The following FRY variants were observed in gnomAD, a reference collection of about 807,000 sequenced individuals.
FRY encodes FRY microtubule binding protein, also known as protein furry homolog.
FRY carries 128 observed loss-of-function variants against 348.4 expected under a neutral mutation model. The observed-to-expected ratio is 0.37, with a 90% CI of 0.32 to 0.43. The LOEUF is 0.43. FRY is among the 20% of genes least tolerant of loss of function. FRY has a pLI of 1.00. For missense variants in FRY, 2,736 were observed against 3,695.2 expected (o/e 0.74, Z 6.73); for synonymous variants, 1,370 against 1,374.7 (o/e 1.00, Z 0.08).
rs746927798 is a variant in FRY, at chr13:32,224,256, C to T, written c.4787C>T (p.Thr1596Met). The T allele has an allele frequency of 1.5e-5, 24 of 1,613,982 alleles. No homozygotes were observed. Among genetic ancestry groups the T allele is most frequent in the Admixed American group, 8.3e-5 (5 of 60,008 alleles). The change falls in exon 37 of 61, where the codon ACG becomes ATG. Residue 1596 changes from threonine (T) to methionine (M), a missense_variant. Transcript: ENST00000542859. ...CCAGATGATCCAATTTCTCCCTACA[C>T]GGGCTGGTTGCTGACTATTACAGAG... ...EDKNDPISPY[T>M]GWLLTITETK...
chr13:32,271,335 C>G (rs1050390397), intron 55 of FRY, among the ~76,000 whole-genome samples: 5 of 152,172 alleles, frequency 3.3e-5, no homozygotes, highest in African/African-American at 1.2e-4. Context: ...GAAGTGAAAA[C>G]AGTGTCTATG....
chr13:32,282,740 TAACAAAGA>T (rs1329390862), intron 58 of FRY, among the ~76,000 whole-genome samples: 3 of 152,244 alleles, frequency 2.0e-5, no homozygotes, highest in Admixed American at 2.0e-4. Flanking sequence ...GACCTAAGTA[TAACAAAGA>T]AAGTTTATGC....
At chr13:32,041,837 A>C (rs1267083908) in intron 1 of FRY, among the ~76,000 whole-genome samples, 1 of 152,240 alleles carries the variant, frequency 6.6e-6, no homozygotes, top group South Asian at 2.1e-4. Context: ...TTATCATTAC[A>C]GGAAAGCTAA....
chr13:32,060,877 C>A (rs1348583009), intron 1 of FRY: 3 of 339,718 alleles, frequency 8.8e-6, no homozygotes, highest in Non-Finnish European at 1.8e-5. Flanking sequence ...TATGAACAGT[C>A]TGCCCTGGAC....
In FRY at chr13:32,259,558, G is replaced by A. The variant is rs544221118; in HGVS notation, c.7417-2058G>A. Among the ~76,000 whole-genome samples the A allele has an allele frequency of 5.3e-5, 8 of 152,308 alleles. No individual in the cohort carries two copies. The East Asian group carries it at 5.8e-4, about 11-fold the overall frequency. Reference sequence around the variant, plus strand: ...CTCATGGTTCTGTCTCAAGTGCAGCGTGGGAGACCTCCAGAATCGCTGCCT... The same window carrying A: ...CTCATGGTTCTGTCTCAAGTGCAGCATGGGAGACCTCCAGAATCGCTGCCT... On this transcript the variant is annotated intron_variant, in intron 51 of 60. Coordinates refer to ENST00000542859, the MANE Select transcript of FRY (RefSeq NM_023037.3).
intron 1 of FRY, among the ~76,000 whole-genome samples, chr13:32,072,660 G>A (rs1441621463): frequency 1.3e-5 from 2 of 151,962 alleles, no homozygotes; most frequent in Non-Finnish European, 2.9e-5. Context: ...AGAGTGACAT[G>A]TTCGCAAAGA....
rs148908035 is a variant in FRY at position 32,254,220 on chromosome 13, G to A, written c.7246-4G>A. On this transcript the variant is annotated splice_polypyrimidine_tract_variant and splice_region_variant and intron_variant, in intron 50 of 60. Coordinates refer to ENST00000542859, the MANE Select transcript of FRY (RefSeq NM_023037.3). ...TTTCTCAGGAGAGGACTCTTGATTC[G>A]CAGGTGATTTTTTCATCGTGTGGGG... 3.9e-3 allele frequency: 6,313 copies of A among 1,613,832 alleles called. 44 individuals carry two copies. Among genetic ancestry groups the A allele is most frequent in the South Asian group, 0.021 (1,946 of 91,058 alleles).
At chr13:32,186,500 A>G (rs969662199) in intron 27 of FRY, 80 bp downstream of exon 27, 1 of 937,636 alleles carries the variant, frequency 1.1e-6, no homozygotes, top group Non-Finnish European at 1.7e-6. Flanking sequence ...CCTTAAAAAT[A>G]AGCTTAAAAT....
intron 7 of FRY, among the ~76,000 whole-genome samples, chr13:32,129,116 T>A (rs1322908597): frequency 6.6e-6 from 1 of 152,186 alleles, no homozygotes; most frequent in African/African-American, 2.4e-5. Context: ...TTGGAGTCCT[T>A]ATAAGAAGGG....
Position 32,117,352 on chromosome 13 carries a change from T to C in FRY, c.343T>C (p.Ser115Pro), listed in dbSNP as rs1878363609. The C allele has an allele frequency of 6.2e-7, 1 of 1,613,982 alleles. No individual in the cohort carries two copies. The highest frequency in any genetic ancestry group is 8.5e-7 in the Non-Finnish European group (1 of 1,179,884). The change falls in exon 4 of 61, where the codon TCC (serine) becomes CCC (proline). Residue 115 changes from serine (S) to proline (P), a missense_variant. Physicochemically the swap from Ser to Pro is moderately conservative, Grantham distance 74. This residue lies in a region of FRY where 309 missense variants were observed against 418.1 expected (regional missense o/e 0.74). Transcript: ENST00000542859. ...QFDQVISSMS[S>P]LSEYCLPSIL... ...TCCATAGGTCATCAGCTCAATGAGC[T>C]CCCTTTCTGAGTACTGCCTGCCTTC...
intron 1 of FRY, among the ~76,000 whole-genome samples, chr13:32,036,111 C>G (rs1486406838): frequency 6.6e-6 from 1 of 152,122 alleles, no homozygotes; most frequent in Admixed American, 6.5e-5. Context: ...ACCTGAAGGA[C>G]ACTATGAGAA....
chr13:32,134,930 C>G lies in FRY; in HGVS notation c.912C>G (p.Val304=), dbSNP rs771824015. Residue 304 remains valine, a synonymous_variant, in exon 9 of 61, where the codon GTC becomes GTG. Coordinates refer to ENST00000542859, the MANE Select transcript of FRY (RefSeq NM_023037.3). ...AATGTGCACATTACTTCCTCGAGGTCAAAGACAAAGATATCAAGCATGCCT... is the reference window on the plus strand; with the variant it reads ...AATGTGCACATTACTTCCTCGAGGTGAAAGACAAAGATATCAAGCATGCCT... The part of the protein sequence containing the change: ...MQECAHYFLE[V]KDKDIKHALA... 1.9e-6 allele frequency: 3 copies of G among 1,612,144 alleles called. No homozygotes were observed. The highest frequency in any genetic ancestry group is 2.5e-6 in the Non-Finnish European group (3 of 1,178,278).
intron 11 of FRY, among the ~76,000 whole-genome samples, chr13:32,142,507 A>G (rs1470138374): frequency 6.6e-6 from 1 of 152,248 alleles, no homozygotes; most frequent in Non-Finnish European, 1.5e-5. Context: ...GTCGTTTACT[A>G]ACCTGGTTTA....
chr13:32,175,933 C>T (rs1325854075), intron 20 of FRY, among the ~76,000 whole-genome samples: 1 of 152,158 alleles, frequency 6.6e-6, no homozygotes, highest in African/African-American at 2.4e-5. Context: ...TCACTTAATA[C>T]TATATGTAAC....
intron 59 of FRY, among the ~76,000 whole-genome samples, chr13:32,293,425 C>T (rs1484791789): frequency 6.6e-6 from 1 of 152,238 alleles, no homozygotes; most frequent in Non-Finnish European, 1.5e-5. Flanking sequence ...TTCAAGGCTT[C>T]AGTTTTTTAT....
chr13:32,145,526 GTTTTTTTTTT>G (rs59585678), intron 11 of FRY, among the ~76,000 whole-genome samples: 1 of 91,476 alleles, frequency 1.1e-5, no homozygotes, highest in African/African-American at 4.2e-5. Context: ...TGACTGATTT[GTTTTTTTTTT>G]TTTTTTTTTT....
intron 31 of FRY, among the ~76,000 whole-genome samples, chr13:32,207,639 T>C (rs1884432861): frequency 6.6e-6 from 1 of 152,178 alleles, no homozygotes; most frequent in South Asian, 2.1e-4. Flanking sequence ...ATCAAGTAAA[T>C]TTTGAAATTT....
In FRY at chr13:32,135,759, T is replaced by C. The variant is rs115418780; in HGVS notation, c.1077+576T>C. Among the ~76,000 whole-genome samples, 821 of 152,222 alleles carry C rather than the reference T, an allele frequency of 5.4e-3. 5 individuals are homozygous for C. The highest frequency in any genetic ancestry group is 0.019 in the African/African-American group (790 of 41,542). On this transcript the variant is annotated intron_variant, in intron 10 of 60. Transcript: ENST00000542859. ...AAGCTTTGGTTTATGAATCGGCGAG[T>C]GATGTAACAGCTGTAATGTGAAAGT...
chr13:32,038,069 G>A lies in FRY; in HGVS notation c.70+6204G>A, dbSNP rs748328407. On this transcript the variant is annotated intron_variant, in intron 1 of 60. Transcript: ENST00000542859. ...CTTCAAACACATTACCTCATTTGAC[G>A]AGTGAGATGCACTGAGTATTAATTA... Among the ~76,000 whole-genome samples the A allele has an allele frequency of 3.5e-4, 54 of 152,256 alleles. 1 individual carries two copies. The highest frequency in any genetic ancestry group is 3.9e-4 in the East Asian group (2 of 5,180).
Sources: allele counts gnomAD v4.1 joint callset (sites outside exome capture counted in the v4.1 genomes callset), GRCh38; gene constraint gnomAD v4.1.1; regional missense constraint gnomAD v4.1.1; transcripts MANE v1.5; gene names NCBI Gene and HGNC (gene_info 2026-07-23, HGNC 2026-07-21).